The following LINGO2 variants were observed in gnomAD, a reference collection of about 807,000 sequenced individuals.
LINGO2 encodes leucine-rich repeat and immunoglobulin-like domain-containing nogo receptor-interacting protein 2.
Under a neutral mutation model 30.6 loss-of-function variants are expected in LINGO2, and 14 were observed. The ratio of observed to expected loss-of-function variants is 0.46; its 90% CI spans 0.30 to 0.72. LINGO2 has a LOEUF of 0.72. Ranked by LOEUF, LINGO2 falls within the 30% of genes least tolerant of loss-of-function variation. The probability of loss-of-function intolerance (pLI) is 0.07; values close to 1 mark genes in which losing one functional copy is unlikely to be tolerated. For missense variants in LINGO2, 729 were observed against 751.7 expected, an observed-to-expected ratio of 0.97 and a Z score of 0.35; for synonymous variants, 317 against 288.5, an observed-to-expected ratio of 1.10 and a Z score of -1.00.
At chr9:29,133,949 A>G in the LINGO2 span, among the ~76,000 whole-genome samples, 2 of 152,130 alleles carry the variant, frequency 1.3e-5, no homozygotes, top group African/African-American at 4.8e-5. Context: ...CCCTCACTAA[A>G]GACACAGACA....
chr9:28,533,923 G>T (rs574645424), intron 1 of LINGO2, among the ~76,000 whole-genome samples: 2 of 152,074 alleles, frequency 1.3e-5, no homozygotes, highest in African/African-American at 4.8e-5. Flanking sequence ...GGACTGCTAG[G>T]TTACAAATTA....
At chr9:29,050,764 T>G in the LINGO2 span, among the ~76,000 whole-genome samples, 3 of 152,200 alleles carry the variant, frequency 2.0e-5, no homozygotes, top group African/African-American at 7.2e-5. Flanking sequence ...TTTCTTCTAC[T>G]GAGTACTGGT....
intron 1 of LINGO2, among the ~76,000 whole-genome samples, chr9:28,539,292 C>T (rs1292157823): frequency 6.6e-6 from 1 of 151,942 alleles, no homozygotes; most frequent in African/African-American, 2.4e-5. Flanking sequence ...ATCAACATAT[C>T]CTATATGTCT....
At chr9:28,580,692 T>G (rs1444038541) in intron 1 of LINGO2, among the ~76,000 whole-genome samples, 1 of 151,964 alleles carries the variant, frequency 6.6e-6, no homozygotes, top group East Asian at 1.9e-4. Context: ...CACCAGCACT[T>G]TGGCATTCAA....
rs556675203 is a variant in LINGO2, at chr9:28,296,673, G to C, written c.-245-1307C>G. ...AACACATGCCTTGCACTAGAATGCA[G>C]CACTTCAAAATAATTCCTTAAACAA... On this transcript the variant is annotated intron_variant, in intron 3 of 5. Coordinates refer to ENST00000379992, the Ensembl canonical transcript of LINGO2. Among the ~76,000 whole-genome samples the C allele has an allele frequency of 1.8e-3, 276 of 152,272 alleles. 2 individuals are homozygous for C. The highest frequency in any genetic ancestry group is 3.5e-3 in the Non-Finnish European group (239 of 68,016).
chr9:28,963,551 C>CACACACACAA, the LINGO2 span, among the ~76,000 whole-genome samples: 26 of 150,790 alleles, frequency 1.7e-4, no homozygotes, highest in Middle Eastern at 3.4e-3. Flanking sequence ...AATACACACA[C>CACACACACAA]ACACACACAC....
At chr9:28,172,223 C>G (rs1363644038) in intron 4 of LINGO2, among the ~76,000 whole-genome samples, 2 of 148,862 alleles carry the variant, frequency 1.3e-5, no homozygotes, top group African/African-American at 4.9e-5. Flanking sequence ...AACCCCGTCT[C>G]TACTAAAAAT....
intron 4 of LINGO2, among the ~76,000 whole-genome samples, chr9:28,185,207 C>G (rs897644284): frequency 6.6e-6 from 1 of 152,222 alleles, no homozygotes; most frequent in Non-Finnish European, 1.5e-5. Context: ...CACAGTCAAT[C>G]ACAGTTCACC....
At chr9:28,214,605 A>C (rs1820701888) in intron 4 of LINGO2, among the ~76,000 whole-genome samples, 1 of 151,638 alleles carries the variant, frequency 6.6e-6, no homozygotes, top group Admixed American at 6.6e-5. Flanking sequence ...AGCCTGTAGA[A>C]TTTACTAGGA....
At chr9:28,323,955 C>T (rs959262520) in intron 3 of LINGO2, among the ~76,000 whole-genome samples, 2 of 152,236 alleles carry the variant, frequency 1.3e-5, no homozygotes, top group Non-Finnish European at 2.9e-5. Flanking sequence ...TCCAGGAAAC[C>T]TAACAGTACA....
chr9:28,517,963 C>G (rs775595016), intron 1 of LINGO2, among the ~76,000 whole-genome samples: 1 of 152,110 alleles, frequency 6.6e-6, no homozygotes, highest in Non-Finnish European at 1.5e-5. Context: ...ACATAGCAGT[C>G]TGGAAATGAG....
chr9:27,981,534 C>CAAAAAAAAAAA lies in LINGO2; in HGVS notation c.-36+30810_-36+30820dup, dbSNP rs763284293. On this transcript the variant is annotated intron_variant, in intron 5 of 5. Coordinates refer to ENST00000379992, the Ensembl canonical transcript of LINGO2. ...ATGAAAGGATAAATGACGAGGATGG[C>CAAAAAAAAAAA]AAAAAAAAAAAAAAAAGAAAAAAAA... Among the ~76,000 whole-genome samples the CAAAAAAAAAAA allele has an allele frequency of 3.7e-3, 148 of 39,780 alleles. 3 individuals carry two copies. The highest frequency in any genetic ancestry group is 5.7e-3 in the South Asian group (7 of 1,230). The allele number at this position is 39,780 out of a possible 152,430, so 26.1% of individuals were successfully genotyped here. A position where few individuals can be genotyped will look rare whatever the true frequency, so the allele number is the denominator to read the frequency against.
intron 4 of LINGO2, among the ~76,000 whole-genome samples, chr9:28,171,726 C>T (rs1772839415): frequency 6.6e-6 from 1 of 151,952 alleles, no homozygotes; most frequent in Non-Finnish European, 1.5e-5. Context: ...AACAGCATCT[C>T]TGCCGGGTGT....
At chr9:28,097,049 G>A (rs1351944618) in intron 4 of LINGO2, among the ~76,000 whole-genome samples, 1 of 151,098 alleles carries the variant, frequency 6.6e-6, no homozygotes, top group African/African-American at 2.4e-5. Context: ...GAAAAAAAAA[G>A]AAGACATTTA....
At chr9:29,066,615 G>A in the LINGO2 span, among the ~76,000 whole-genome samples, 1 of 151,866 alleles carries the variant, frequency 6.6e-6, no homozygotes. Context: ...TTCCCTATAT[G>A]TAACAAACCA....
chr9:28,649,557 C>A (rs1827992905), intron 1 of LINGO2, among the ~76,000 whole-genome samples: 1 of 151,616 alleles, frequency 6.6e-6, no homozygotes, highest in Admixed American at 6.6e-5. Context: ...TCCAACCAAC[C>A]TAAATTATAT....
At chr9:29,110,583 C>T in the LINGO2 span, among the ~76,000 whole-genome samples, 1 of 151,618 alleles carries the variant, frequency 6.6e-6, no homozygotes, top group African/African-American at 2.4e-5. Context: ...CCGCCCGCCT[C>T]GGGGCCTCCC....
the LINGO2 span, among the ~76,000 whole-genome samples, chr9:28,884,667 C>T: frequency 7.9e-6 from 1 of 126,966 alleles, no homozygotes. Flanking sequence ...ATGTATTTTC[C>T]ATATATATAT....
intron 3 of LINGO2, among the ~76,000 whole-genome samples, chr9:28,310,923 G>C (rs1255654073): frequency 6.6e-6 from 1 of 152,100 alleles, no homozygotes; most frequent in Non-Finnish European, 1.5e-5. Context: ...TTTTAATGCT[G>C]ATAACATGCT....
Sources: allele counts gnomAD v4.1 joint callset (sites outside exome capture counted in the v4.1 genomes callset), GRCh38; gene constraint gnomAD v4.1.1; transcripts MANE v1.5; gene names NCBI Gene and HGNC (gene_info 2026-07-23, HGNC 2026-07-21).